PREX2: variants seen among roughly 807,000 people sequenced by gnomAD.
The protein encoded by PREX2 is phosphatidylinositol 3,4,5-trisphosphate-dependent Rac exchanger 2 protein.
Under a neutral mutation model 203.2 loss-of-function variants are expected in PREX2, and 107 were observed. That is an observed-to-expected ratio of 0.53 (90% CI 0.45 to 0.62). The LOEUF is 0.62. Among genes scored for constraint, PREX2 ranks in the 20% least tolerant of loss-of-function variants. The pLI is 0.00. For synonymous variants in PREX2, 672 were observed against 663.6 expected, an observed-to-expected ratio of 1.01 and a Z score of -0.19; for missense variants, 1,777 against 1,955.9, an observed-to-expected ratio of 0.91 and a Z score of 1.72.
At chr8:68,118,403 T>A in intron 26 of PREX2, 147 bp from the exon 27 acceptor site, 1 of 563,448 alleles carries the variant, frequency 1.8e-6, no homozygotes, top group South Asian at 2.2e-5. Context: ...AAAAGTAAGA[T>A]AGACTGAGTT....
intron 10 of PREX2, among the ~76,000 whole-genome samples, chr8:68,058,381 G>A (rs1808740274): frequency 6.6e-6 from 1 of 151,902 alleles, no homozygotes; most frequent in Non-Finnish European, 1.5e-5. Context: ...GCCCCGTGCT[G>A]AGTTCCTGAC....
intron 10 of PREX2, among the ~76,000 whole-genome samples, chr8:68,059,979 A>G (rs1303600750): frequency 3.9e-5 from 6 of 152,184 alleles, no homozygotes; most frequent in Non-Finnish European, 8.8e-5. Flanking sequence ...CTCTGCTTCA[A>G]AGGGTTCCAC....
chr8:68,120,764 T>G (rs866696054), intron 29 of PREX2, among the ~76,000 whole-genome samples, 157 bp from the exon 30 acceptor site: 2 of 152,302 alleles, frequency 1.3e-5, no homozygotes, highest in Middle Eastern at 3.4e-3. Context: ...AAGGTTTGAC[T>G]TTTTACATTT....
At chr8:68,023,154 A>G (rs978656923) in intron 4 of PREX2, among the ~76,000 whole-genome samples, 2 of 152,150 alleles carry the variant, frequency 1.3e-5, no homozygotes, top group African/African-American at 4.8e-5. Context: ...TTAAACGTGG[A>G]ATTGATGCCT....
intron 35 of PREX2, among the ~76,000 whole-genome samples, chr8:68,186,592 C>A (rs1301783987): frequency 1.3e-5 from 2 of 152,256 alleles, no homozygotes; most frequent in African/African-American, 2.4e-5. Context: ...CAGCTCACTG[C>A]AACCTCTGCC....
intron 37 of PREX2, among the ~76,000 whole-genome samples, chr8:68,201,941 C>T (rs1265839402): frequency 7.5e-6 from 1 of 132,680 alleles, no homozygotes; most frequent in Non-Finnish European, 1.5e-5. Flanking sequence ...GAGTCTCGCT[C>T]TGTCACCCAG....
chr8:68,228,689 C>T (rs2129615574), intron 39 of PREX2, among the ~76,000 whole-genome samples: 1 of 151,922 alleles, frequency 6.6e-6, no homozygotes, highest in African/African-American at 2.4e-5. Context: ...TCTCCTGAAC[C>T]CAGGAGGTGG....
intron 35 of PREX2, among the ~76,000 whole-genome samples, chr8:68,172,389 T>G (rs1449576900): frequency 6.6e-6 from 1 of 152,218 alleles, no homozygotes; most frequent in Non-Finnish European, 1.5e-5. Flanking sequence ...TCCTGTCAAG[T>G]ACCAAGGACA....
intron 6 of PREX2, among the ~76,000 whole-genome samples, chr8:68,032,594 C>T (rs1165537142): frequency 6.6e-6 from 1 of 152,124 alleles, no homozygotes; most frequent in East Asian, 1.9e-4. Context: ...GGTTTTCAGG[C>T]CTGGTCCCTT....
rs1264062941 is a variant in PREX2 at position 68,099,709 on chromosome 8, G to A, written c.2581G>A (p.Glu861Lys). The A allele has an allele frequency of 6.2e-7, 1 of 1,613,804 alleles. No individual in the cohort carries two copies. The highest frequency in any genetic ancestry group is 2.2e-5 in the East Asian group (1 of 44,862). The change falls in exon 23 of 40, where the codon GAG becomes AAG. Residue 861 changes from glutamate (E) to lysine (K), a missense_variant. By Grantham distance (56) the Glu-to-Lys change is moderately conservative. Transcript: ENST00000288368. ...TCTTGAAGCCCTGGCTAAAAGTGATGAGCATTTTGTACAAAACTGTACCAG... is the reference window on the plus strand; with the variant it reads ...TCTTGAAGCCCTGGCTAAAAGTGATAAGCATTTTGTACAAAACTGTACCAG... ...KILEALAKSD[E>K]HFVQNCTSLN... is the part of the protein sequence containing the mutation.
At chr8:68,185,018 G>A (rs368704200) in intron 35 of PREX2, among the ~76,000 whole-genome samples, 2 of 152,038 alleles carry the variant, frequency 1.3e-5, no homozygotes, top group African/African-American at 4.8e-5. Context: ...CAATCTCAGC[G>A]TTCCTCAGAC....
At chr8:68,186,503 C>A (rs1812192185) in intron 35 of PREX2, among the ~76,000 whole-genome samples, 1 of 152,136 alleles carries the variant, frequency 6.6e-6, no homozygotes, top group South Asian at 2.1e-4. Context: ...TGCTATATAG[C>A]AGGGTTTTTT....
At chr8:68,204,577 C>T (rs1278332041) in intron 37 of PREX2, among the ~76,000 whole-genome samples, 1 of 151,996 alleles carries the variant, frequency 6.6e-6, no homozygotes, top group African/African-American at 2.4e-5. Context: ...AGATCTTACC[C>T]AGCTGTTACC....
At position 68,080,803 on chromosome 8, in the gene PREX2, A is replaced by G; in HGVS notation, c.1843A>G (p.Ile615Val). Residue 615 changes from isoleucine (I) to valine (V), a missense_variant, in exon 17 of 40, where the codon ATA becomes GTA. Coordinates refer to ENST00000288368, the MANE Select transcript of PREX2 (RefSeq NM_024870.4). ...FGLEDKNKVP[I>V]IKLVEKGSNA... ...ATTAGAAGACAAAAATAAAGTTCCAATAATAAAGTTGGTAGAAAAGGGATC... is the reference window on the plus strand; with the variant it reads ...ATTAGAAGACAAAAATAAAGTTCCAGTAATAAAGTTGGTAGAAAAGGGATC... 1.3e-6 allele frequency: 2 copies of G among 1,560,584 alleles called. No individual in the cohort carries two copies. Among genetic ancestry groups the G allele is most frequent in the South Asian group, 1.1e-5 (1 of 87,360 alleles).
At chr8:68,155,591 A>T (rs1811528658) in intron 34 of PREX2, among the ~76,000 whole-genome samples, 1 of 152,226 alleles carries the variant, frequency 6.6e-6, no homozygotes, top group South Asian at 2.1e-4. Flanking sequence ...TTTAGAAACT[A>T]GTGCATTTAG....
intron 34 of PREX2, among the ~76,000 whole-genome samples, chr8:68,152,264 C>T (rs1002847854): frequency 1.8e-4 from 21 of 117,790 alleles, no homozygotes; most frequent in South Asian, 5.6e-4. Context: ...CCAGCCTGGG[C>T]GACAGAGCGA....
At chr8:68,170,879 A>G (rs1282222643) in intron 35 of PREX2, among the ~76,000 whole-genome samples, 1 of 152,110 alleles carries the variant, frequency 6.6e-6, no homozygotes, top group Non-Finnish European at 1.5e-5. Flanking sequence ...ATTTTAATGT[A>G]TTCTGCTTAT....
intron 5 of PREX2, among the ~76,000 whole-genome samples, chr8:68,029,866 A>C (rs1424298270): frequency 6.6e-6 from 1 of 152,126 alleles, no homozygotes; most frequent in Non-Finnish European, 1.5e-5. Flanking sequence ...TAAATACCAA[A>C]AACAAAAAAG....
At chr8:68,071,753 G>A (rs1809200711) in intron 13 of PREX2, among the ~76,000 whole-genome samples, 1 of 152,074 alleles carries the variant, frequency 6.6e-6, no homozygotes, top group Non-Finnish European at 1.5e-5. Flanking sequence ...CTATGTCCAT[G>A]ATCTAATCAG....
Sources: gnomAD v4.1 joint callset for allele counts (sites outside exome capture counted in the v4.1 genomes callset) on GRCh38, gnomAD v4.1.1 for gene constraint, MANE v1.5 for transcripts, NCBI Gene and HGNC (gene_info 2026-07-23, HGNC 2026-07-21) for gene names.